Variants in KIF5B observed in about 807,000 individuals in gnomAD.
The protein encoded by KIF5B is kinesin-1 heavy chain.
A neutral mutation model predicts 132.8 loss-of-function variants in KIF5B; 49 were observed. The ratio of observed to expected loss-of-function variants is 0.37; its 90% CI spans 0.29 to 0.47. The LOEUF (loss-of-function observed/expected upper bound fraction) is 0.47. Among genes scored for constraint, KIF5B ranks in the 20% least tolerant of loss-of-function variants. KIF5B has a pLI of 1.00. For missense variants in KIF5B, 780 were observed against 1,144.0 expected, an observed-to-expected ratio of 0.68 and a Z score of 4.59; for synonymous variants, 355 against 369.4, an observed-to-expected ratio of 0.96 and a Z score of 0.45.
chr10:32,018,521 T>C lies in KIF5B; in HGVS notation c.2348A>G (p.Lys783Arg), dbSNP rs1451354336. ...DRREQARQDL[K>R]GLEETVAKEL... ...TCTTACCACTGTCTCTTCCAAACCCTTCAAGTCTTGTCTTGCTTGTTCTCG... is the reference window on the plus strand; with the variant it reads ...TCTTACCACTGTCTCTTCCAAACCCCTCAAGTCTTGTCTTGCTTGTTCTCG... Residue 783 changes from lysine (K) to arginine (R), a missense_variant, in exon 21 of 26, where the codon AAG becomes AGG. By Grantham distance (26) the Lys-to-Arg change is conservative (BLOSUM62 2). Around this residue, in one of 9 missense-constraint regions of KIF5B, gnomAD observed 471 missense variants for 569.9 expected, o/e 0.83. Coordinates refer to ENST00000302418, the MANE Select transcript of KIF5B (RefSeq NM_004521.3). The C allele has an allele frequency of 1.2e-6, 2 of 1,613,384 alleles. No individual in the cohort carries two copies. The highest frequency in any genetic ancestry group is 1.7e-5 in the Admixed American group (1 of 59,912).
At chr10:32,016,362 A>G (rs970432486) in intron 24 of KIF5B, among the ~76,000 whole-genome samples, 1 of 151,542 alleles carries the variant, frequency 6.6e-6, no homozygotes, top group Non-Finnish European at 1.5e-5. Flanking sequence ...AGGCTGAGGC[A>G]GGAGAATCGC....
At chr10:32,023,230 CTTT>C (rs35654426) in intron 15 of KIF5B, among the ~76,000 whole-genome samples, 194 bp from the exon 16 acceptor site, 1 of 151,902 alleles carries the variant, frequency 6.6e-6, no homozygotes, top group Non-Finnish European at 1.5e-5. Context: ...TTTTGCCTTC[CTTT>C]TTTTAAAAAC....
At chr10:32,036,093 A>G in intron 8 of KIF5B, 99 bp from the exon 9 acceptor site, 1 of 676,860 alleles carries the variant, frequency 1.5e-6, no homozygotes, top group Non-Finnish European at 2.3e-6. Flanking sequence ...CCAGTAAAAA[A>G]GAAAAAAGAA....
intron 1 of KIF5B, among the ~76,000 whole-genome samples, chr10:32,049,158 T>C (rs184650473): frequency 1.5e-4 from 23 of 152,334 alleles, no homozygotes; most frequent in Non-Finnish European, 1.5e-5. Flanking sequence ...TTCTTTCATT[T>C]AACAAATACT....
intron 25 of KIF5B, among the ~76,000 whole-genome samples, chr10:32,015,041 G>A (rs1286826949): frequency 6.6e-6 from 1 of 151,768 alleles, no homozygotes; most frequent in Non-Finnish European, 1.5e-5. Context: ...GGTATCGCTT[G>A]AACCCAGGAG....
intron 17 of KIF5B, 81 bp from the exon 18 acceptor site, chr10:32,021,368 C>G: frequency 1.0e-6 from 1 of 974,682 alleles, no homozygotes; most frequent in Non-Finnish European, 1.6e-6. Flanking sequence ...ATGGATTTTA[C>G]AATAAGCATT....
chr10:32,024,569 G>A (rs1365461930), intron 15 of KIF5B, among the ~76,000 whole-genome samples: 1 of 151,542 alleles, frequency 6.6e-6, no homozygotes, highest in Non-Finnish European at 1.5e-5. Context: ...TTCAAGACCA[G>A]CCTGGCCAAT....
At chr10:32,028,859 A>C (rs1338550329) in intron 14 of KIF5B, among the ~76,000 whole-genome samples, 1 of 152,202 alleles carries the variant, frequency 6.6e-6, no homozygotes, top group Non-Finnish European at 1.5e-5. Flanking sequence ...CTGTCTAAAA[A>C]TGGGAAGCCT....
intron 15 of KIF5B, among the ~76,000 whole-genome samples, chr10:32,026,585 A>G (rs1841337805): frequency 6.6e-6 from 1 of 151,734 alleles, no homozygotes; most frequent in African/African-American, 2.4e-5. Context: ...CTTATTTTCA[A>G]ACTGCTATGG....
chr10:32,017,394 T>G, intron 23 of KIF5B, 35 bp from the exon 24 acceptor site: 3 of 1,510,500 alleles, frequency 2.0e-6, no homozygotes, highest in Non-Finnish European at 2.7e-6. Flanking sequence ...GATTCCAGAT[T>G]TAACAGGATG....
rs771134833 is a variant in KIF5B at position 32,017,330 on chromosome 10, A to G, written c.2574T>C (p.Cys858=). 1.9e-6 allele frequency: 3 copies of G among 1,614,198 alleles called. No individual in the cohort carries two copies. In the South Asian group the frequency reaches 3.3e-5, roughly 18 times the overall value. ...QLVRDNADLR[C]ELPKLEKRLR... ...GTCGCTTTTCCAACTTAGGAAGTTC[A>G]CAGCGGAGATCTGCATTATCACGTA... The change falls in exon 24 of 26, where the codon TGT becomes TGC. Residue 858 remains cysteine, a synonymous_variant. Transcript: ENST00000302418.
chr10:32,034,977 A>G (rs1404376817), intron 10 of KIF5B, 139 bp from the exon 11 acceptor site: 9 of 538,552 alleles, frequency 1.7e-5, no homozygotes, highest in Non-Finnish European at 2.3e-5. Context: ...AAGCCGCAAC[A>G]TATGACGTTA....
rs1411870487 is a variant in KIF5B at position 32,022,840 on chromosome 10, T to C, written c.1914+8A>G. 1.3e-6 allele frequency: 2 copies of C among 1,576,208 alleles called. No individual in the cohort carries two copies. The highest frequency in any genetic ancestry group is 1.4e-5 in the African/African-American group (1 of 73,984). On this transcript the variant is annotated splice_region_variant and intron_variant, in intron 16 of 25. Coordinates refer to ENST00000302418, the MANE Select transcript of KIF5B (RefSeq NM_004521.3). Reference sequence around the variant, plus strand: ...AAAAAAATGAATAAACTTTGTTCTATAACATACTTGAGAGATACGAAGCTG... The same window carrying C: ...AAAAAAATGAATAAACTTTGTTCTACAACATACTTGAGAGATACGAAGCTG...
At chr10:32,023,440 A>T (rs1387434440) in intron 15 of KIF5B, among the ~76,000 whole-genome samples, 1 of 152,224 alleles carries the variant, frequency 6.6e-6, no homozygotes, top group Admixed American at 6.5e-5. Context: ...TTTAGGTGGC[A>T]GGGAAAGGAT....
chr10:32,018,567 C>T lies in KIF5B; in HGVS notation c.2307-5G>A, dbSNP rs763224928. 3 of 1,605,190 alleles carry T rather than the reference C, an allele frequency of 1.9e-6. No individual in the cohort carries two copies. Among genetic ancestry groups the T allele is most frequent in the East Asian group, 2.2e-5 (1 of 44,660 alleles). ...TCTCGTCTATCTTGCATAACCCTAA[C>T]AGTAGAAGAACAAACATATATTTTC... is the stretch of plus-strand genomic sequence containing the variant. On this transcript the variant is annotated splice_region_variant and splice_polypyrimidine_tract_variant and intron_variant, in intron 20 of 25. Coordinates refer to ENST00000302418, the MANE Select transcript of KIF5B (RefSeq NM_004521.3).
At chr10:32,018,291 G>A (rs536585128) in intron 22 of KIF5B, 25 bp downstream of exon 22, 6 of 1,487,744 alleles carry the variant, frequency 4.0e-6, no homozygotes, top group East Asian at 4.6e-5. Context: ...TTATGCAAAC[G>A]CCTACCTCGG....
intron 8 of KIF5B, among the ~76,000 whole-genome samples, chr10:32,036,884 G>A (rs1287649462): frequency 1.3e-5 from 2 of 152,092 alleles, no homozygotes; most frequent in Admixed American, 6.5e-5. Context: ...AACCAGAAAA[G>A]ACTAATCGAG....
intron 2 of KIF5B, among the ~76,000 whole-genome samples, chr10:32,040,734 C>T (rs1187044905): frequency 6.6e-6 from 1 of 151,938 alleles, no homozygotes; most frequent in Non-Finnish European, 1.5e-5. Context: ...TAGCTCACTC[C>T]TGTAATCACA....
chr10:32,036,080 T>C (rs1841456913), intron 8 of KIF5B, 86 bp from the exon 9 acceptor site: 1 of 815,468 alleles, frequency 1.2e-6, no homozygotes, highest in South Asian at 2.5e-5. Context: ...ATGTCATCAA[T>C]AACCAGTAAA....
Sources: allele counts gnomAD v4.1 joint callset (sites outside exome capture counted in the v4.1 genomes callset), GRCh38; gene constraint gnomAD v4.1.1; regional missense constraint gnomAD v4.1.1; transcripts MANE v1.5; gene names NCBI Gene and HGNC (gene_info 2026-07-23, HGNC 2026-07-21).